Variants in LRRC37B observed in about 807,000 individuals in gnomAD.
The protein encoded by LRRC37B is leucine-rich repeat-containing protein 37B.
A neutral mutation model predicts 98.3 loss-of-function variants in LRRC37B; 28 were observed. The ratio of observed to expected loss-of-function variants is 0.28; its 90% CI spans 0.21 to 0.39. The LOEUF is 0.39. Ranked by LOEUF, LRRC37B falls within the 10% of genes least tolerant of loss-of-function variation. LRRC37B has a pLI of 1.00. For synonymous variants in LRRC37B, 364 were observed against 442.7 expected (o/e 0.82, Z 2.23); for missense variants, 938 against 1,182.7 (o/e 0.79, Z 3.03).
At chr17:32,048,019 A>T in intron 9 of LRRC37B, 118 bp downstream of exon 12, 1 of 1,562,012 alleles carries the variant, frequency 6.4e-7, no homozygotes, top group Non-Finnish European at 8.8e-7. Flanking sequence ...TTCACTGAAC[A>T]GCTATTTTCA....
In LRRC37B at chr17:32,049,083, C is replaced by G. The variant is rs199644681; in HGVS notation, c.2465-19C>G. 6.4e-3 allele frequency: 10,391 copies of G among 1,613,514 alleles called. 53 individuals carry two copies. Among genetic ancestry groups the G allele is most frequent in the Non-Finnish European group, 7.5e-3 (8,883 of 1,179,700 alleles). On this transcript the variant is annotated intron_variant, in intron 9 of 11. Transcript: ENST00000327564. ...CCCTGAGCCCAAAAGCTTCAATTAC[C>G]CATTGCTCTCGTCCCCAGGTGATCA...
chr17:32,023,524 C>T (rs1225981787), intron 1 of LRRC37B, among the ~76,000 whole-genome samples: 2 of 152,176 alleles, frequency 1.3e-5, no homozygotes, highest in African/African-American at 4.8e-5. Flanking sequence ...TGGGTTTGAA[C>T]CCAGGTCTGT....
chr17:32,015,735 T>C lies in LRRC37B; in HGVS notation c.-190-2237T>C, dbSNP rs1359118029. On this transcript the variant is annotated intron_variant, in intron 1 of 14. Coordinates refer to the LRRC37B transcript ENST00000543378. ...CGGCGGGTACTTTTGTTTATGGGTGTCATTGGTTGAACAAATATTGTTTTA... is the reference window on the plus strand; with the variant it reads ...CGGCGGGTACTTTTGTTTATGGGTGCCATTGGTTGAACAAATATTGTTTTA... 1.2e-4 allele frequency among the ~76,000 whole-genome samples: 18 copies of C among 152,340 alleles called. No individual in the cohort carries two copies. In the South Asian group the frequency reaches 3.5e-3, roughly 30 times the overall value.
At chr17:32,048,902 G>T (rs535829241) in intron 9 of LRRC37B, 200 bp from the exon 13 acceptor site, 18 of 1,491,056 alleles carry the variant, frequency 1.2e-5, no homozygotes, top group Non-Finnish European at 1.6e-5. Context: ...TAATGTAAAA[G>T]ACACAAAAGA....
upstream of LRRC37B, chr17:32,007,812 A>G: frequency 8.5e-7 from 1 of 1,182,782 alleles, no homozygotes. The surrounding 1 kb of genome is among the most constrained non-coding windows in gnomAD (Gnocchi z 4.1). Flanking sequence ...GGTGGGCAGC[A>G]GTAGCCGGAG....
chr17:32,032,397 A>G (rs1354516553), intron 5 of LRRC37B, among the ~76,000 whole-genome samples: 2 of 152,214 alleles, frequency 1.3e-5, no homozygotes, highest in South Asian at 2.1e-4. Flanking sequence ...AAGAAAATAC[A>G]TCGCTCTACT....
intron 3 of LRRC37B, among the ~76,000 whole-genome samples, chr17:32,029,146 C>T (rs1185172463): frequency 6.6e-6 from 1 of 151,946 alleles, no homozygotes; most frequent in Non-Finnish European, 1.5e-5. Context: ...CAACTACAGG[C>T]ACACGCCGCC....
At chr17:32,022,688 C>T (rs1910836541) in exon 1 of LRRC37B, 2 of 1,613,920 alleles carry the variant, frequency 1.2e-6, no homozygotes, top group African/African-American at 2.7e-5. Flanking sequence ...AACAGAAGGC[C>T]TCCACAAGCA....
upstream of LRRC37B, among the ~76,000 whole-genome samples, chr17:32,018,567 A>T (rs974413638): frequency 5.9e-5 from 9 of 152,138 alleles, no homozygotes; most frequent in South Asian, 1.7e-3. Context: ...ACAGTTGTGG[A>T]CACAGGAGAG....
intron 7 of LRRC37B, among the ~76,000 whole-genome samples, chr17:32,039,526 A>ATATATATG (rs1911358802): frequency 1.2e-5 from 1 of 81,286 alleles, no homozygotes; most frequent in Admixed American, 1.4e-4. Context: ...ATATATATGT[A>ATATATATG]TGTATTTTTA....
chr17:32,026,238 T>C (rs1245935266), intron 2 of LRRC37B, among the ~76,000 whole-genome samples: 2 of 152,190 alleles, frequency 1.3e-5, no homozygotes, highest in South Asian at 2.1e-4. Flanking sequence ...ACACATGCCA[T>C]GTGCAGTGGC....
intron 7 of LRRC37B, among the ~76,000 whole-genome samples, chr17:32,039,153 T>A (rs1279144949): frequency 1.3e-5 from 2 of 151,960 alleles, no homozygotes; most frequent in African/African-American, 4.8e-5. Context: ...TTATTTTTAT[T>A]TTTTGGAGAA....
intron 5 of LRRC37B, among the ~76,000 whole-genome samples, chr17:32,032,523 C>T (rs1911138594): frequency 6.6e-6 from 1 of 151,972 alleles, no homozygotes; most frequent in Admixed American, 6.6e-5. Flanking sequence ...CTGAAGGGGA[C>T]TTTAGACTCA....
chr17:32,031,277 A>C, intron 4 of LRRC37B, 101 bp from the exon 8 acceptor site: 1 of 1,531,266 alleles, frequency 6.5e-7, no homozygotes, highest in Non-Finnish European at 8.8e-7. Flanking sequence ...CACAGAGAAA[A>C]GATTGAGGTG....
chr17:32,040,973 T>A (rs2627082), intron 7 of LRRC37B: 1 of 864,462 alleles, frequency 1.2e-6, no homozygotes, highest in South Asian at 1.3e-5. Context: ...AGGAGCTGCG[T>A]CAGGCGCTGG....
At chr17:32,012,953 G>T (rs534810984) in intron 1 of LRRC37B, among the ~76,000 whole-genome samples, 1 of 152,158 alleles carries the variant, frequency 6.6e-6, no homozygotes, top group East Asian at 1.9e-4. Flanking sequence ...GGAGGCAGAG[G>T]TTGTAGTGAG....
intron 1 of LRRC37B, among the ~76,000 whole-genome samples, chr17:32,013,781 A>G (rs980266525): frequency 2.6e-5 from 4 of 152,014 alleles, no homozygotes; most frequent in Admixed American, 2.0e-4. Flanking sequence ...ATATGTATCT[A>G]TACTTTCAAT....
intron 7 of LRRC37B, among the ~76,000 whole-genome samples, chr17:32,038,912 G>A (rs1911326186): frequency 6.6e-6 from 1 of 152,138 alleles, no homozygotes; most frequent in African/African-American, 2.4e-5. Flanking sequence ...AAGAGCAGAA[G>A]TTTTTAATTT....
At chr17:32,034,675 T>C (rs1482501329) in intron 5 of LRRC37B, among the ~76,000 whole-genome samples, 1 of 151,848 alleles carries the variant, frequency 6.6e-6, no homozygotes, top group African/African-American at 2.4e-5. Flanking sequence ...ATCCATTTCT[T>C]GTGTGTTTTT....
Sources: allele counts gnomAD v4.1 joint callset (sites outside exome capture counted in the v4.1 genomes callset), GRCh38; gene constraint gnomAD v4.1.1; non-coding constraint Gnocchi (gnomAD v3.1); transcripts MANE v1.5; gene names NCBI Gene and HGNC (gene_info 2026-07-23, HGNC 2026-07-21).